PPP2R5C: variants seen among roughly 807,000 people sequenced by gnomAD.
PPP2R5C encodes the protein protein phosphatase 2 regulatory subunit B'gamma.
Under a neutral mutation model 68.9 loss-of-function variants are expected in PPP2R5C, and 7 were observed. The ratio of observed to expected loss-of-function variants is 0.10; its 90% CI spans 0.06 to 0.19. The LOEUF (loss-of-function observed/expected upper bound fraction) is 0.19, where lower values mean the gene tolerates loss of function less well. PPP2R5C is among the 10% of genes least tolerant of loss of function. The pLI, the probability that PPP2R5C is intolerant of heterozygous loss-of-function variation, is 1.00. For missense variants in PPP2R5C, 348 were observed against 641.3 expected, an observed-to-expected ratio of 0.54 and a Z score of 4.94; for synonymous variants, 210 against 222.2, an observed-to-expected ratio of 0.95 and a Z score of 0.49.
upstream of PPP2R5C, among the ~76,000 whole-genome samples, chr14:101,806,191 A>G (rs536003291): frequency 3.9e-5 from 6 of 152,206 alleles, no homozygotes; most frequent in South Asian, 2.1e-4. Flanking sequence ...TGCTGCACCT[A>G]TCAACCCGTC....
At chr14:101,903,964 G>A (rs562575343) in intron 9 of PPP2R5C, among the ~76,000 whole-genome samples, 14 of 151,500 alleles carry the variant, frequency 9.2e-5, no homozygotes, top group South Asian at 2.1e-4. Context: ...ATAAGCCACC[G>A]CGCCAGCTCA....
intron 2 of PPP2R5C, among the ~76,000 whole-genome samples, chr14:101,865,322 C>G (rs2042988112): frequency 6.6e-6 from 1 of 152,252 alleles, no homozygotes; most frequent in Non-Finnish European, 1.5e-5. Context: ...TGTCCCCGCT[C>G]TCTGTATGCA....
At chr14:101,837,144 T>C (rs2041160522) in intron 1 of PPP2R5C, among the ~76,000 whole-genome samples, 1 of 152,166 alleles carries the variant, frequency 6.6e-6, no homozygotes, top group Non-Finnish European at 1.5e-5. Context: ...TTTTGTGTTT[T>C]GTTTTGTTTT....
chr14:101,762,442 AAC>A (rs948687977), intron 1 of PPP2R5C, among the ~76,000 whole-genome samples: 6 of 151,742 alleles, frequency 4.0e-5, no homozygotes, highest in Non-Finnish European at 7.4e-5. Flanking sequence ...GGGGCTCTCG[AAC>A]ACTATTATTA....
At chr14:101,774,883 C>T (rs548319718) in intron 2 of PPP2R5C, among the ~76,000 whole-genome samples, 6 of 152,308 alleles carry the variant, frequency 3.9e-5, no homozygotes, top group East Asian at 1.9e-4. Flanking sequence ...TCAGGGGGCG[C>T]GTGGTCTCTA....
At chr14:101,793,883 C>G (rs185534582) in intron 3 of PPP2R5C, among the ~76,000 whole-genome samples, 1 of 152,182 alleles carries the variant, frequency 6.6e-6, no homozygotes. Context: ...TGAAGTCTGG[C>G]TGTCTCCAGC....
chr14:101,814,255 A>T (rs2039529149), intron 1 of PPP2R5C, among the ~76,000 whole-genome samples: 2 of 152,234 alleles, frequency 1.3e-5, no homozygotes, highest in Admixed American at 1.3e-4. Context: ...CTTCACAAAC[A>T]TCTCTTTACT....
intron 2 of PPP2R5C, among the ~76,000 whole-genome samples, chr14:101,860,935 A>C (rs562364475): frequency 2.4e-4 from 36 of 152,308 alleles, no homozygotes; most frequent in African/African-American, 7.9e-4. Flanking sequence ...AGCAATTCCC[A>C]GGGGAGCCAG....
upstream of PPP2R5C, chr14:101,761,781 G>GAGC (rs1555376591): frequency 3.1e-6 from 3 of 970,278 alleles, no homozygotes; most frequent in East Asian, 3.8e-4. Context: ...CTCAGTCCCC[G>GAGC]GGCGGCGGCG....
rs924278444 is a variant in PPP2R5C at position 101,797,215 on chromosome 14, C to T, written c.259+11032C>T. 2 of 456,060 alleles carry T rather than the reference C, an allele frequency of 4.4e-6. No individual in the cohort carries two copies. Among genetic ancestry groups the T allele is most frequent in the Non-Finnish European group, 8.8e-6 (2 of 226,784 alleles). The allele number at this position is 456,060 out of a possible 1,614,324, so 28.3% of individuals were successfully genotyped here. On this transcript the variant is annotated intron_variant, in intron 3 of 14. Transcript: ENST00000328724. This position sits in a 1 kb window ranked among gnomAD's most constrained non-coding sequence, Gnocchi z 4.2. ...CCTAAACATAATATCTTCCAGGTCC[C>T]CCCACATTGTAGCACGTGCCAGACC...
exon 1 of PPP2R5C, chr14:101,809,940 T>C: frequency 6.2e-7 from 1 of 1,613,760 alleles, no homozygotes; most frequent in Non-Finnish European, 8.5e-7. Context: ...CGCTGAAGTC[T>C]AGATGTTGAC....
intron 1 of PPP2R5C, among the ~76,000 whole-genome samples, chr14:101,762,617 TGTG>T (rs1368762681): frequency 3.9e-5 from 6 of 152,130 alleles, no homozygotes; most frequent in Non-Finnish European, 7.4e-5. Flanking sequence ...AGGGATGTGA[TGTG>T]GATCTCAAAA....
At chr14:101,872,198 A>G (rs926379898) in intron 2 of PPP2R5C, among the ~76,000 whole-genome samples, 4 of 148,332 alleles carry the variant, frequency 2.7e-5, no homozygotes, top group Non-Finnish European at 4.4e-5. Context: ...TGTATCTGCA[A>G]AAGCCTTTCT....
At chr14:101,815,161 T>TC (rs200975330) in intron 1 of PPP2R5C, among the ~76,000 whole-genome samples, 102 of 151,842 alleles carry the variant, frequency 6.7e-4, no homozygotes, top group African/African-American at 9.9e-4. Context: ...GCCTTTTTTG[T>TC]CCCCCCGGGA....
At chr14:101,862,609 TTGTC>T (rs904917136) in intron 2 of PPP2R5C, among the ~76,000 whole-genome samples, 8 of 152,200 alleles carry the variant, frequency 5.3e-5, no homozygotes, top group African/African-American at 1.7e-4. Flanking sequence ...GTCAACTACA[TTGTC>T]TGTGTGAGAC....
At chr14:101,861,490 T>TA in intron 2 of PPP2R5C, among the ~76,000 whole-genome samples, 1 of 152,188 alleles carries the variant, frequency 6.6e-6, no homozygotes, top group Non-Finnish European at 1.5e-5. Context: ...TTGCGCACCT[T>TA]AGCAAGAAGC....
rs185039214 is a variant in PPP2R5C at position 101,855,891 on chromosome 14, G to A, written c.95-795G>A. Among the ~76,000 whole-genome samples, 23 of 152,314 alleles carry A rather than the reference G, an allele frequency of 1.5e-4. No individual in the cohort carries two copies. In the East Asian group the frequency reaches 4.0e-3, roughly 27 times the overall value. ...GTTGTGCTGTTATAAAGATTAAATGGCAAGAAAGTGTCAATATGTGTAAAG... is the reference window on the plus strand; with the variant it reads ...GTTGTGCTGTTATAAAGATTAAATGACAAGAAAGTGTCAATATGTGTAAAG... On this transcript the variant is annotated intron_variant, in intron 1 of 13. Transcript: ENST00000334743.
In PPP2R5C at chr14:101,899,986, A is replaced by G. The variant is rs868553481; in HGVS notation, c.853-1733A>G. 2.0e-5 allele frequency among the ~76,000 whole-genome samples: 3 copies of G among 152,122 alleles called. No homozygotes were observed. In the South Asian group the frequency reaches 6.2e-4, roughly 31 times the overall value. On this transcript the variant is annotated intron_variant, in intron 8 of 13. Transcript: ENST00000334743. The surrounding 1 kb of genome is among the most constrained non-coding windows in gnomAD (Gnocchi z 4.2). ...ACTGCAGCCTCAACCTCCTGGGCTCAAGCAATCCTCCCACCTTAGCCTCTC... is the reference window on the plus strand; with the variant it reads ...ACTGCAGCCTCAACCTCCTGGGCTCGAGCAATCCTCCCACCTTAGCCTCTC...
At chr14:101,864,780 T>TAG (rs1388354442) in intron 2 of PPP2R5C, among the ~76,000 whole-genome samples, 1 of 152,102 alleles carries the variant, frequency 6.6e-6, no homozygotes, top group Non-Finnish European at 1.5e-5. Context: ...TTGGGTGGGC[T>TAG]AGAGTCTGGA....
Sources: gnomAD v4.1 joint callset for allele counts (sites outside exome capture counted in the v4.1 genomes callset) on GRCh38, gnomAD v4.1.1 for gene constraint, Gnocchi (gnomAD v3.1) non-coding constraint, MANE v1.5 for transcripts, NCBI Gene and HGNC (gene_info 2026-07-23, HGNC 2026-07-21) for gene names.